ITGA10: variants seen among roughly 807,000 people sequenced by gnomAD.
ITGA10 encodes integrin subunit alpha 10.
In ITGA10, 105 loss-of-function variants were observed where a neutral mutation model predicts 145.2. The observed-to-expected ratio is 0.72, with a 90% CI of 0.62 to 0.85. The LOEUF is 0.85. Among genes scored for constraint, ITGA10 ranks in the 40% least tolerant of loss-of-function variants. ITGA10 has a pLI of 0.00. For missense variants in ITGA10, 1,317 were observed against 1,444.5 expected, an observed-to-expected ratio of 0.91 and a Z score of 1.43; for synonymous variants, 506 against 557.8, an observed-to-expected ratio of 0.91 and a Z score of 1.31.
intron 1 of ITGA10, among the ~76,000 whole-genome samples, chr1:145,908,497 C>T (rs1032904299): frequency 4.6e-5 from 7 of 152,174 alleles, no homozygotes; most frequent in Non-Finnish European, 8.8e-5. Flanking sequence ...CCTCAGCCTT[C>T]AGCCCATTCT....
chr1:145,901,180 G>C lies in ITGA10; in HGVS notation c.1542C>G (p.Pro514=). The C allele has an allele frequency of 6.2e-7, 1 of 1,614,024 alleles. No homozygotes were observed. The highest frequency in any genetic ancestry group is 8.5e-7 in the Non-Finnish European group (1 of 1,180,004). ...AAACACGTCCTGTTTCCTTGTTCTG[G>C]GGTCCCAGGAACATGGGGGCAGCCA... The part of the protein sequence containing the change: ...LLVAAPMFLG[P]QNKETGRVYV... The change falls in exon 13 of 30, where the codon CCC becomes CCG. Residue 514 remains proline (P), a synonymous_variant. Transcript: ENST00000369304. The surrounding 1 kb of genome is among the most constrained non-coding windows in gnomAD (Gnocchi z 4.3).
At chr1:145,900,008 T>C (rs782392074) in intron 15 of ITGA10, 49 bp downstream of exon 15, 12 of 1,541,742 alleles carry the variant, frequency 7.8e-6, no homozygotes, top group Non-Finnish European at 8.7e-6. Flanking sequence ...CCCTTGCCTT[T>C]AACAGCTATG....
chr1:145,905,284 AT>A (rs1167452480), intron 5 of ITGA10, among the ~76,000 whole-genome samples: 2,566 of 145,230 alleles, frequency 0.018, 45 homozygotes, highest in African/African-American at 0.046. Context: ...GGTAGAGAAC[AT>A]TTTTTTTTTT....
rs368904322 is a variant in ITGA10, at chr1:145,896,792, A to G, written c.2811T>C (p.Tyr937=). 32 of 1,613,862 alleles carry G rather than the reference A, an allele frequency of 2.0e-5. No homozygotes were observed. Among genetic ancestry groups the G allele is most frequent in the Non-Finnish European group, 2.6e-5 (31 of 1,179,908 alleles). Residue 937 remains tyrosine (Y), a synonymous_variant, in exon 23 of 30, where the codon TAT becomes TAC. Coordinates refer to ENST00000369304, the MANE Select transcript of ITGA10 (RefSeq NM_003637.5). ...ACCTAGAGAACAGGAGGTGGGGCTC[A>G]TATTGGATGTAGGCTGAGGTCTGGG... The part of the protein sequence containing the change: ...NTAQTSAYIQ[Y]EPHLLFSSES...
Position 145,898,942 on chromosome 1 carries a change from A to T in ITGA10, c.2226T>A (p.His742Gln). 2 of 1,613,694 alleles carry T rather than the reference A, an allele frequency of 1.2e-6. No individual in the cohort carries two copies. Among genetic ancestry groups the T allele is most frequent in the Non-Finnish European group, 1.7e-6 (2 of 1,179,738 alleles). ...GNVTCEQLHF[H>Q]VLDTSDYLRP... ...GTTACTGCCCTCTCCTTACCAGCAC[A>T]TGGAAGTGTAGCTGCTCACAAGTGA... The change falls in exon 17 of 30, where the codon CAT becomes CAA. Residue 742 changes from histidine (H) to glutamine (Q), a missense_variant. Coordinates refer to ENST00000369304, the MANE Select transcript of ITGA10 (RefSeq NM_003637.5).
At chr1:145,899,462 C>T (rs587645030) in intron 15 of ITGA10, 121 bp from the exon 16 acceptor site, 4 of 1,082,034 alleles carry the variant, frequency 3.7e-6, no homozygotes, top group East Asian at 2.4e-5. Flanking sequence ...CACATGTCAC[C>T]CTCCCCCGAA....
Position 145,896,367 on chromosome 1 carries a change from A to ACTTCCTGACTTGGT in ITGA10, c.2835-16_2835-15insACCAAGTCAGGAAG. ...GGGTAGACTCACTGTGTGAACACCAAGTCAGGAAGTACATGGTCACAGCCA... is the reference window on the plus strand; with the variant it reads ...GGGTAGACTCACTGTGTGAACACCAACTTCCTGACTTGGTGTCAGGAAGTACATGGTCACAGCCA... On this transcript the variant is annotated splice_polypyrimidine_tract_variant and intron_variant, in intron 23 of 29. Transcript: ENST00000369304. 6.3e-7 allele frequency: 1 copy of ACTTCCTGACTTGGT among 1,591,586 alleles called. No homozygotes were observed. The highest frequency in any genetic ancestry group is 8.6e-7 in the Non-Finnish European group (1 of 1,159,472).
rs200068057 is a variant in ITGA10, at chr1:145,901,609, C to T, written c.1350G>A (p.Gly450=). ...LRGGRRLFLS[G]APRFRHRGKV... ...TTCCTCGATGTCTAAATCGAGGAGC[C>T]CCAGAGAGAAACAGGCGGCGTCCAC... Residue 450 remains glycine (G), a synonymous_variant, in exon 12 of 30, where the codon GGG becomes GGA. Transcript: ENST00000369304. The surrounding 1 kb of genome is among the most constrained non-coding windows in gnomAD (Gnocchi z 4.3). 6.2e-7 allele frequency: 1 copy of T among 1,604,008 alleles called. No homozygotes were observed.
rs782171793 is a variant in ITGA10, at chr1:145,896,705, G to C, written c.2834+64C>G. On this transcript the variant is annotated intron_variant, in intron 23 of 29. Transcript: ENST00000369304. Reference sequence around the variant, plus strand: ...AAAACTGAGGCACATGGAAGGGGAGGGAAGCAGCATAAGGGTATGAGTCTG... The same window carrying C: ...AAAACTGAGGCACATGGAAGGGGAGCGAAGCAGCATAAGGGTATGAGTCTG... The C allele has an allele frequency of 3.0e-6, 4 of 1,330,694 alleles. No individual in the cohort carries two copies. In the African/African-American group the frequency reaches 4.3e-5, roughly 14 times the overall value. The allele number at this position is 1,330,694 out of a possible 1,614,324, so 82.4% of individuals were successfully genotyped here. A position where few individuals can be genotyped will look rare whatever the true frequency, so the allele number is the denominator to read the frequency against.
chr1:145,904,177 C>A lies in ITGA10; in HGVS notation c.633G>T (p.Glu211Asp), dbSNP rs782556014. 3.7e-6 allele frequency: 6 copies of A among 1,614,172 alleles called. No individual in the cohort carries two copies. Among genetic ancestry groups the A allele is most frequent in the South Asian group, 3.3e-5 (3 of 91,080 alleles). The change falls in exon 7 of 30, where the codon GAG (glutamate) becomes GAT (aspartate). Residue 211 changes from glutamate (E) to aspartate (D), a missense_variant. By Grantham distance (45) the Glu-to-Asp change is conservative. Coordinates refer to ENST00000369304, the MANE Select transcript of ITGA10 (RefSeq NM_003637.5). ...CCAGGGACCACTCATGTACAGGGCTCTCCCCATACTGTACCAGTCCCACCT... is the reference window on the plus strand; with the variant it reads ...CCAGGGACCACTCATGTACAGGGCTATCCCCATACTGTACCAGTCCCACCT... Reference protein sequence around the residue: ...QIQVGLVQYGESPVHEWSLGD... With the variant: ...QIQVGLVQYGDSPVHEWSLGD...
chr1:145,892,908 G>C, intron 29 of ITGA10, 45 bp from the exon 30 acceptor site: 6 of 1,478,292 alleles, frequency 4.1e-6, no homozygotes, highest in African/African-American at 1.4e-5. Context: ...CCTAGACTGG[G>C]AACCTTGCCA....
intron 27 of ITGA10, 147 bp from the exon 28 acceptor site, chr1:145,893,782 A>C: frequency 1.6e-6 from 1 of 626,926 alleles, no homozygotes; most frequent in Non-Finnish European, 2.8e-6. Context: ...ACCAATGGGA[A>C]AAGAGAGGAA....
chr1:145,903,697 T>C (rs1388283100), intron 7 of ITGA10, among the ~76,000 whole-genome samples: 1 of 151,968 alleles, frequency 6.6e-6, no homozygotes, highest in Non-Finnish European at 1.5e-5. Flanking sequence ...TTTATTTTAT[T>C]TTATTTTAGA....
At position 145,901,067 on chromosome 1, in the gene ITGA10, C is replaced by T. The variant is rs1422340275; in HGVS notation, c.1587+68G>A. ...CTCAGCAAACCCTCAAATATGTGCA[C>T]CTTCCCTCCTTTCCTCCCTCCACCC... is the stretch of plus-strand genomic sequence containing the variant. On this transcript the variant is annotated intron_variant, in intron 13 of 29. Transcript: ENST00000369304. The surrounding 1 kb of genome is among the most constrained non-coding windows in gnomAD (Gnocchi z 4.3). 1.2e-6 allele frequency: 2 copies of T among 1,612,690 alleles called. No individual in the cohort carries two copies. The highest frequency in any genetic ancestry group is 3.3e-5 in the Admixed American group (2 of 59,952).
Position 145,901,578 on chromosome 1 carries a change from T to A in ITGA10, c.1381A>T (p.Ile461Phe). ...APRFRHRGKV[I>F]AFQLKKDGAV... ...CCATCTTTCTTAAGCTGGAAGGCGA[T>A]GACTTTTCCTCGATGTCTAAATCGA... The change falls in exon 12 of 30, where the codon ATC becomes TTC. Residue 461 changes from isoleucine (I) to phenylalanine (F), a missense_variant. Transcript: ENST00000369304. The surrounding 1 kb of genome is among the most constrained non-coding windows in gnomAD (Gnocchi z 4.3). The A allele has an allele frequency of 6.2e-7, 1 of 1,607,810 alleles. No individual in the cohort carries two copies. Among genetic ancestry groups the A allele is most frequent in the Non-Finnish European group, 8.5e-7 (1 of 1,177,532 alleles).
rs1358105120 is a variant in ITGA10, at chr1:145,896,875, G to A, written c.2745-17C>T. 6.2e-7 allele frequency: 1 copy of A among 1,603,952 alleles called. No individual in the cohort carries two copies. On this transcript the variant is annotated splice_polypyrimidine_tract_variant and intron_variant, in intron 22 of 29. Transcript: ENST00000369304. ...AGGCTGTCACTGTAGGGTCAGAGGG[G>A]AGAGGCTCACATCTCAACCCCTCCT...
At chr1:145,897,451 T>C (rs1387269104) in intron 20 of ITGA10, 61 bp downstream of exon 20, 6 of 1,603,566 alleles carry the variant, frequency 3.7e-6, no homozygotes, top group Admixed American at 1.7e-5. Flanking sequence ...CTGAGGCCAA[T>C]ACCCCAATCT....
At chr1:145,898,034 T>TGA in intron 18 of ITGA10, 76 bp downstream of exon 18, 1 of 1,320,950 alleles carries the variant, frequency 7.6e-7, no homozygotes, top group Non-Finnish European at 1.1e-6. Flanking sequence ...CATGATCTCA[T>TGA]GTCTTCTCCC....
In ITGA10 at chr1:145,897,634, G is replaced by A; in HGVS notation, c.2452C>T (p.Arg818Ter). Residue 818 changes from arginine (R) to a stop codon, truncating the protein, a stop_gained, in exon 20 of 30, where the codon CGA becomes TGA. Transcript: ENST00000369304. LOFTEE classifies it high-confidence loss of function. The stretch of plus-strand genomic sequence containing the variant: ...ACCAGCACTTTCCGCCGGCCACCTC[G>A]AACCACAAATGGGGCCTTCCTGGGA... ...RGSRKAPFVVRGGRRKVLVST... is the reference protein window; with the variant it reads ...RGSRKAPFVV The A allele has an allele frequency of 1.2e-6, 2 of 1,614,062 alleles. No homozygotes were observed. The highest frequency in any genetic ancestry group is 1.1e-5 in the South Asian group (1 of 91,078).
Sources: allele counts gnomAD v4.1 joint callset (sites outside exome capture counted in the v4.1 genomes callset), GRCh38; gene constraint gnomAD v4.1.1; non-coding constraint Gnocchi (gnomAD v3.1); transcripts MANE v1.5; gene names NCBI Gene and HGNC (gene_info 2026-07-23, HGNC 2026-07-21).